The following MEIS2 variants were observed in gnomAD, a reference collection of about 807,000 sequenced individuals.
The protein encoded by MEIS2 is homeobox protein Meis2.
In MEIS2, 9 loss-of-function variants were observed where a neutral mutation model predicts 58.6. That is an observed-to-expected ratio of 0.15 (90% confidence interval 0.09 to 0.27). MEIS2 has a LOEUF of 0.27. Among genes scored for constraint, MEIS2 ranks in the 10% least tolerant of loss-of-function variants. The pLI is 1.00. For synonymous variants in MEIS2, 221 were observed against 228.4 expected, an observed-to-expected ratio of 0.97 and a Z score of 0.29; for missense variants, 427 against 635.0, an observed-to-expected ratio of 0.67 and a Z score of 3.52.
intron 7 of MEIS2, among the ~76,000 whole-genome samples, chr15:37,043,590 G>A (rs927062057): frequency 9.2e-5 from 14 of 151,664 alleles, no homozygotes; most frequent in Admixed American, 2.0e-4. Flanking sequence ...GCCTATAGTC[G>A]GATACATATA....
At chr15:36,958,979 A>G (rs1421085335) in intron 8 of MEIS2, among the ~76,000 whole-genome samples, 2 of 152,196 alleles carry the variant, frequency 1.3e-5, no homozygotes, top group African/African-American at 4.8e-5. Flanking sequence ...ATTTCAAAAC[A>G]GGTTTAGGCT....
chr15:37,099,202 GCCGC>G, intron 1 of MEIS2: 2 of 1,409,760 alleles, frequency 1.4e-6, no homozygotes, highest in Non-Finnish European at 1.8e-6. Context: ...ACACGCACTC[GCCGC>G]CCGCCCGCTC....
At chr15:37,096,945 G>A (rs1227275502) in intron 2 of MEIS2, among the ~76,000 whole-genome samples, 1 of 152,212 alleles carries the variant, frequency 6.6e-6, no homozygotes, top group East Asian at 1.9e-4. Context: ...ATAAATGCAA[G>A]AGAATGCTCT....
intron 8 of MEIS2, among the ~76,000 whole-genome samples, chr15:37,001,725 A>G (rs2034790610): frequency 6.6e-6 from 1 of 152,174 alleles, no homozygotes; most frequent in Non-Finnish European, 1.5e-5. Context: ...GGCAGATCAC[A>G]TGCACTATAT....
chr15:36,994,058 T>G (rs1323981430), intron 8 of MEIS2, among the ~76,000 whole-genome samples: 1 of 152,108 alleles, frequency 6.6e-6, no homozygotes, highest in Non-Finnish European at 1.5e-5. Context: ...TCTCTATTCA[T>G]GATGTGTGTG....
chr15:37,031,777 T>C (rs188331799), intron 8 of MEIS2, among the ~76,000 whole-genome samples: 2 of 151,228 alleles, frequency 1.3e-5, no homozygotes, highest in Admixed American at 1.3e-4. Context: ...TTAGAATCTG[T>C]AGTTTCAAGG....
At chr15:37,097,851 C>A (rs1316970656) in intron 2 of MEIS2, 116 bp downstream of exon 2, 3 of 1,396,810 alleles carry the variant, frequency 2.1e-6, no homozygotes, top group Non-Finnish European at 1.9e-6. Context: ...GCGGCGCCCG[C>A]CCCCCACCAT....
chr15:36,894,604 T>A lies in MEIS2; in HGVS notation c.1147+547A>T, dbSNP rs529781410. 3.8e-6 allele frequency: 3 copies of A among 783,656 alleles called. No homozygotes were observed. In the African/African-American group the frequency reaches 5.3e-5, roughly 14 times the overall value. The allele number at this position is 783,656 out of a possible 1,614,324, so 48.5% of individuals were successfully genotyped here. On this transcript the variant is annotated intron_variant, in intron 11 of 11. Coordinates refer to ENST00000561208, the MANE Select transcript of MEIS2 (RefSeq NM_170675.5). ...ATATATTTAAAAACAGGTCCTTAGT[T>A]TGGAAAGGCATGCAGTTATGGGCAA...
At chr15:36,896,876 T>G in intron 9 of MEIS2, 190 bp from the exon 10 acceptor site, 2 of 557,616 alleles carry the variant, frequency 3.6e-6, no homozygotes, top group East Asian at 5.8e-5. Context: ...CACTGCGTAG[T>G]CAACTCCAAA....
At chr15:36,981,730 C>T (rs1387753270) in intron 8 of MEIS2, among the ~76,000 whole-genome samples, 1 of 152,074 alleles carries the variant, frequency 6.6e-6, no homozygotes, top group Non-Finnish European at 1.5e-5. Context: ...TAAGGGTAGA[C>T]ATTAGCATTT....
rs546337356 is a variant in MEIS2, at chr15:37,089,931, T to C, written c.639+3650A>G. Among the ~76,000 whole-genome samples, 288 of 152,258 alleles carry C rather than the reference T, an allele frequency of 1.9e-3. 1 individual carries two copies. Among genetic ancestry groups the C allele is most frequent in the African/African-American group, 6.8e-3 (281 of 41,574 alleles). ...AATAGATAATGTGAGTATCACCTGT[T>C]ATTCAGGAACTCCACATGCTAGAAA... On this transcript the variant is annotated intron_variant, in intron 6 of 11. Coordinates refer to ENST00000561208, the MANE Select transcript of MEIS2 (RefSeq NM_170675.5).
At chr15:36,943,707 TC>T (rs1346717354) in intron 9 of MEIS2, among the ~76,000 whole-genome samples, 1 of 152,044 alleles carries the variant, frequency 6.6e-6, no homozygotes, top group Non-Finnish European at 1.5e-5. Flanking sequence ...GAAATATGCA[TC>T]CTGAGATAAT....
intron 7 of MEIS2, among the ~76,000 whole-genome samples, chr15:37,080,596 A>G (rs1322483465): frequency 6.6e-6 from 1 of 152,098 alleles, no homozygotes; most frequent in Non-Finnish European, 1.5e-5. Context: ...GGATCTCTAG[A>G]CTTATTATCA....
chr15:37,083,699 A>G, intron 7 of MEIS2, 72 bp downstream of exon 7: 1 of 1,256,056 alleles, frequency 8.0e-7, no homozygotes, highest in Non-Finnish European at 1.1e-6. Context: ...CGGCAGATGT[A>G]CTGATATCAT....
intron 8 of MEIS2, among the ~76,000 whole-genome samples, chr15:37,032,803 C>T (rs946699979): frequency 3.3e-5 from 5 of 151,690 alleles, no homozygotes; most frequent in Admixed American, 1.3e-4. Flanking sequence ...TAGGGTAGTT[C>T]GAAACAAAAA....
chr15:36,908,554 C>T (rs902289346), intron 9 of MEIS2, among the ~76,000 whole-genome samples: 2 of 152,162 alleles, frequency 1.3e-5, no homozygotes, highest in Non-Finnish European at 2.9e-5. Context: ...TTCACATCTC[C>T]TATCAGAATT....
At chr15:36,936,480 T>C (rs1204225921) in intron 9 of MEIS2, among the ~76,000 whole-genome samples, 1 of 152,174 alleles carries the variant, frequency 6.6e-6, no homozygotes, top group Non-Finnish European at 1.5e-5. Context: ...GTTTGACAGT[T>C]TCTATAAAGT....
intron 8 of MEIS2, among the ~76,000 whole-genome samples, chr15:37,013,196 G>A (rs1388593302): frequency 1.3e-5 from 2 of 152,174 alleles, no homozygotes; most frequent in Non-Finnish European, 2.9e-5. Flanking sequence ...GCCTGGATGT[G>A]AGAATAAGGC....
At chr15:37,006,670 T>G (rs1256123577) in intron 8 of MEIS2, among the ~76,000 whole-genome samples, 1 of 152,224 alleles carries the variant, frequency 6.6e-6, no homozygotes, top group Non-Finnish European at 1.5e-5. Flanking sequence ...ACAACTGACG[T>G]AGCTCACTAG....
Sources: allele counts gnomAD v4.1 joint callset (sites outside exome capture counted in the v4.1 genomes callset), GRCh38; gene constraint gnomAD v4.1.1; transcripts MANE v1.5; gene names NCBI Gene and HGNC (gene_info 2026-07-23, HGNC 2026-07-21).